LSM12: variants seen among roughly 807,000 people sequenced by gnomAD.
LSM12 encodes LSM12 homolog, also known as protein LSM12.
For missense variants in LSM12, 108 were observed against 238.9 expected, an observed-to-expected ratio of 0.45 and a Z score of 3.61; for synonymous variants, 74 against 87.3, an observed-to-expected ratio of 0.85 and a Z score of 0.85.
At chr17:44,061,920 C>T (rs778055415) in intron 2 of LSM12, among the ~76,000 whole-genome samples, 8 of 152,140 alleles carry the variant, frequency 5.3e-5, no homozygotes, top group African/African-American at 1.9e-4. Context: ...GAGACAGACA[C>T]TAGACAAGTA....
At chr17:44,057,019 G>T (rs972898236) in intron 2 of LSM12, among the ~76,000 whole-genome samples, 11 of 151,726 alleles carry the variant, frequency 7.2e-5, no homozygotes, top group Non-Finnish European at 1.5e-4. Context: ...AGACGGACGT[G>T]GTGGGGCGCA....
chr17:44,056,483 G>A (rs1403786070), intron 2 of LSM12, among the ~76,000 whole-genome samples: 2 of 151,888 alleles, frequency 1.3e-5, no homozygotes, highest in East Asian at 1.9e-4. Context: ...TTAGCTGGAC[G>A]TGGTGGCACA....
intron 2 of LSM12, among the ~76,000 whole-genome samples, chr17:44,042,693 T>C (rs1425425240): frequency 6.6e-6 from 1 of 151,668 alleles, no homozygotes; most frequent in East Asian, 2.0e-4. Flanking sequence ...GCCTCCCGAG[T>C]AGCTGGGACT....
At chr17:44,050,322 C>G (rs1183394857) in intron 2 of LSM12, among the ~76,000 whole-genome samples, 2 of 143,166 alleles carry the variant, frequency 1.4e-5, no homozygotes, top group Non-Finnish European at 3.0e-5. Flanking sequence ...GTTGACCAGG[C>G]TGGTCTCGAA....
At chr17:44,050,275 ATT>A (rs113687461) in intron 2 of LSM12, among the ~76,000 whole-genome samples, 5 of 137,256 alleles carry the variant, frequency 3.6e-5, no homozygotes, top group Non-Finnish European at 3.2e-5. Context: ...TAATTTTTGT[ATT>A]TTTTTTTTTT....
intron 2 of LSM12, among the ~76,000 whole-genome samples, chr17:44,051,535 A>C (rs2144094287): frequency 6.6e-6 from 1 of 152,232 alleles, no homozygotes; most frequent in South Asian, 2.1e-4. Flanking sequence ...CCTAAGTGAC[A>C]AAGTAAGACC....
rs2049409401 is a variant in LSM12, at chr17:44,035,772, ACAGT to A, written c.*432_*435del. ...CTGCTCTGGTCTCAATTTAAGAATC[ACAGT>A]CAGCTTGTTACTTTTATTTTGGAAG... On this transcript the variant is annotated 3_prime_UTR_variant, in exon 5 of 5. Transcript: ENST00000293406. The A allele has an allele frequency of 6.5e-6, 1 of 153,096 alleles. No homozygotes were observed. Among genetic ancestry groups the A allele is most frequent in the Non-Finnish European group, 1.4e-5 (1 of 69,048 alleles). The allele number at this position is 153,096 out of a possible 1,614,324, so 9.5% of individuals were successfully genotyped here. A position where few individuals can be genotyped will look rare whatever the true frequency, so the allele number is the denominator to read the frequency against.
chr17:44,054,076 C>A (rs929579834), intron 2 of LSM12, among the ~76,000 whole-genome samples: 3 of 152,148 alleles, frequency 2.0e-5, no homozygotes, highest in Non-Finnish European at 4.4e-5. Flanking sequence ...TTTATCTTTT[C>A]AGGAGGACAA....
At chr17:44,045,247 C>T (rs1219779436) in intron 2 of LSM12, among the ~76,000 whole-genome samples, 2 of 152,000 alleles carry the variant, frequency 1.3e-5, no homozygotes, top group East Asian at 3.9e-4. Flanking sequence ...AGGCTGGTCT[C>T]GAACTCCTGA....
At chr17:44,059,431 A>G (rs2049766108) in intron 2 of LSM12, among the ~76,000 whole-genome samples, 1 of 152,096 alleles carries the variant, frequency 6.6e-6, no homozygotes, top group South Asian at 2.1e-4. Context: ...TCTACTAAAA[A>G]TAGAAAAATT....
intron 1 of LSM12, among the ~76,000 whole-genome samples, chr17:44,065,036 G>A (rs2049852655): frequency 6.6e-6 from 1 of 152,082 alleles, no homozygotes; most frequent in Non-Finnish European, 1.5e-5. Context: ...GGGAGGCTGA[G>A]GCAGAAGAAT....
chr17:44,044,352 C>G (rs1394232948), intron 2 of LSM12, among the ~76,000 whole-genome samples: 2 of 151,880 alleles, frequency 1.3e-5, no homozygotes, highest in Non-Finnish European at 2.9e-5. Context: ...CCCACCCCCG[C>G]CAAAATACCA....
rs772280507 is a variant in LSM12 at position 44,040,227 on chromosome 17, C to G, written c.288G>C (p.Glu96Asp). 1 of 1,614,028 alleles carries G rather than the reference C, an allele frequency of 6.2e-7. No individual in the cohort carries two copies. Among genetic ancestry groups the G allele is most frequent in the Admixed American group, 1.7e-5 (1 of 60,024 alleles). ...TTGCATAGGCCTGGCTCAGCTTCTCCTCCTTCTCTGTCCGTGCTTTGCTGG... is the reference window on the plus strand; with the variant it reads ...TTGCATAGGCCTGGCTCAGCTTCTCGTCCTTCTCTGTCCGTGCTTTGCTGG... ...KLASKARTEK[E>D]EKLSQAYAIS... Residue 96 changes from glutamate (E) to aspartate (D), a missense_variant, in exon 3 of 5, where the codon GAG becomes GAC. By Grantham distance (45) the Glu-to-Asp change is conservative. Transcript: ENST00000293406.
chr17:44,036,414 C>G, intron 4 of LSM12, 114 bp from the exon 5 acceptor site: 2 of 1,381,388 alleles, frequency 1.4e-6, no homozygotes, highest in Non-Finnish European at 2.0e-6. Context: ...CATTGGTGTC[C>G]AGGCACCTTT....
chr17:44,040,346 G>C (rs767121998), intron 2 of LSM12, 90 bp from the exon 3 acceptor site: 22 of 940,458 alleles, frequency 2.3e-5, no homozygotes, highest in Non-Finnish European at 3.6e-5. Flanking sequence ...AGGAGGCCAG[G>C]AAAGACTTGT....
intron 2 of LSM12, among the ~76,000 whole-genome samples, chr17:44,046,879 C>T (rs1441297575): frequency 7.3e-5 from 11 of 150,502 alleles, no homozygotes; most frequent in Admixed American, 4.0e-4. Context: ...TACAGGCGCC[C>T]GCCACCACGC....
At chr17:44,062,774 C>A (rs961356073) in intron 2 of LSM12, among the ~76,000 whole-genome samples, 30 of 151,800 alleles carry the variant, frequency 2.0e-4, no homozygotes, top group African/African-American at 7.3e-4. Context: ...TATAATCTTA[C>A]CACTTTGGGA....
At chr17:44,064,536 C>A (rs2049843140) in intron 1 of LSM12, among the ~76,000 whole-genome samples, 2 of 151,644 alleles carry the variant, frequency 1.3e-5, no homozygotes, top group African/African-American at 4.9e-5. Context: ...AGTTCAAGAC[C>A]AGCCTGGCCA....
intron 2 of LSM12, among the ~76,000 whole-genome samples, chr17:44,049,509 C>T (rs1332700572): frequency 6.6e-6 from 1 of 152,084 alleles, no homozygotes; most frequent in Non-Finnish European, 1.5e-5. Flanking sequence ...AACTTCTGGC[C>T]TCCAGCAATC....
Sources: gnomAD v4.1 joint callset for allele counts (sites outside exome capture counted in the v4.1 genomes callset) on GRCh38, gnomAD v4.1.1 for gene constraint, MANE v1.5 for transcripts, NCBI Gene and HGNC (gene_info 2026-07-23, HGNC 2026-07-21) for gene names.